Variants in GAR1 observed in about 807,000 individuals in gnomAD.
GAR1 encodes the protein GAR1 ribonucleoprotein.
Under a neutral mutation model 29.3 loss-of-function variants are expected in GAR1, and 11 were observed. That is an observed-to-expected ratio of 0.38 (90% CI 0.24 to 0.62). GAR1 has a LOEUF of 0.62. GAR1 is among the 20% of genes least tolerant of loss of function. GAR1 has a pLI of 0.62. For missense variants in GAR1, 237 were observed against 268.4 expected, an observed-to-expected ratio of 0.88 and a Z score of 0.82; for synonymous variants, 87 against 93.3, an observed-to-expected ratio of 0.93 and a Z score of 0.39.
rs150203795 is a variant in GAR1 at position 109,816,589 on chromosome 4, G to C, written c.214+211G>C. ...ACAGGAAGATATTAAATAGGTAATC[G>C]TGAGTACTTATGCCTAATTCCCCGA... On this transcript the variant is annotated intron_variant, in intron 2 of 6. Transcript: ENST00000226796. Among the ~76,000 whole-genome samples the C allele has an allele frequency of 1.8e-3, 270 of 152,300 alleles. 1 individual carries two copies. The Middle Eastern group carries it at 0.048, about 27-fold the overall frequency.
chr4:109,819,107 C>A (rs76764214), intron 4 of GAR1, 47 bp downstream of exon 4: 90 of 963,640 alleles, frequency 9.3e-5, no homozygotes, highest in Middle Eastern at 2.1e-4. Context: ...TATAAGGGAA[C>A]GACCTATCTT....
intron 5 of GAR1, among the ~76,000 whole-genome samples, chr4:109,823,014 A>G (rs1169726596): frequency 2.0e-5 from 3 of 152,240 alleles, no homozygotes; most frequent in African/African-American, 7.2e-5. Context: ...TAATAAATTC[A>G]TTACTGTGAT....
intron 5 of GAR1, 142 bp downstream of exon 5, chr4:109,822,630 C>T: frequency 2.6e-6 from 2 of 766,296 alleles, no homozygotes; most frequent in Admixed American, 3.1e-5. Flanking sequence ...GGCAGATTGT[C>T]CATAATAATA....
chr4:109,823,475 C>CT (rs1320068628), intron 5 of GAR1, among the ~76,000 whole-genome samples: 1 of 151,876 alleles, frequency 6.6e-6, no homozygotes, highest in Non-Finnish European at 1.5e-5. Context: ...TCACAGCTGT[C>CT]TTATTTTTTT....
At position 109,824,534 on chromosome 4, in the gene GAR1, C is replaced by G; in HGVS notation, c.*103C>G. The G allele has an allele frequency of 1.1e-6, 1 of 879,136 alleles. No homozygotes were observed. The highest frequency in any genetic ancestry group is 1.9e-6 in the Non-Finnish European group (1 of 523,874). 54.5% of individuals were successfully genotyped at this position (879,136 alleles called of 1,614,324 possible). On this transcript the variant is annotated 3_prime_UTR_variant, in exon 7 of 7. Transcript: ENST00000226796. ...TGTTTCTTGAACAAGTCTTGAAGAT[C>G]TTGGTCATTTTATGACAATGGATCT...
At chr4:109,816,792 G>C (rs1733365726) in intron 2 of GAR1, among the ~76,000 whole-genome samples, 1 of 152,172 alleles carries the variant, frequency 6.6e-6, no homozygotes, top group Non-Finnish European at 1.5e-5. Context: ...CCGGGAGTTA[G>C]AGACCAGCCT....
intron 1 of GAR1, 36 bp from the exon 2 acceptor site, chr4:109,816,117 G>T (rs777166868): frequency 1.5e-5 from 23 of 1,583,278 alleles, no homozygotes; most frequent in Non-Finnish European, 2.0e-5. Context: ...AGAGGCTACA[G>T]TGATCAGAAG....
intron 5 of GAR1, 143 bp downstream of exon 5, chr4:109,822,631 C>A: frequency 2.6e-6 from 2 of 758,068 alleles, no homozygotes; most frequent in Non-Finnish European, 3.9e-6. Flanking sequence ...GCAGATTGTC[C>A]ATAATAATAA....
chr4:109,819,806 C>T (rs1028427451), intron 4 of GAR1, among the ~76,000 whole-genome samples: 1 of 152,180 alleles, frequency 6.6e-6, no homozygotes, highest in African/African-American at 2.4e-5. Flanking sequence ...ACAGTATGTG[C>T]AGTCTCTGAG....
chr4:109,820,137 C>T (rs549036805), intron 4 of GAR1, among the ~76,000 whole-genome samples: 10 of 151,900 alleles, frequency 6.6e-5, no homozygotes, highest in Admixed American at 1.3e-4. Flanking sequence ...ATTTTGGACT[C>T]GGTAGTGACA....
intron 4 of GAR1, among the ~76,000 whole-genome samples, chr4:109,820,443 T>TA (rs762617821): frequency 3.3e-5 from 5 of 152,054 alleles, no homozygotes; most frequent in Admixed American, 1.3e-4. Flanking sequence ...GGGAATTTGT[T>TA]AAGTATACAG....
Position 109,817,948 on chromosome 4 carries a change from T to G in GAR1, c.227T>G (p.Phe76Cys). The G allele has an allele frequency of 6.2e-7, 1 of 1,608,614 alleles. No homozygotes were observed. The highest frequency in any genetic ancestry group is 1.1e-5 in the South Asian group (1 of 89,690). Residue 76 changes from phenylalanine (F) to cysteine (C), a missense_variant, in exon 3 of 7, where the codon TTC (phenylalanine) becomes TGC (cysteine). Coordinates refer to ENST00000226796, the MANE Select transcript of GAR1 (RefSeq NM_018983.4). The part of the protein sequence containing the change: ...PPERVVLLGE[F>C]LHPCEDDIVC... ...TGTCCTGTTTCAGTATTAGGAGAGT[T>G]CCTGCATCCCTGTGAAGATGACATA...
chr4:109,824,118 T>G (rs1733591058), intron 6 of GAR1, 85 bp downstream of exon 6: 2 of 933,586 alleles, frequency 2.1e-6, no homozygotes, highest in Non-Finnish European at 3.4e-6. Context: ...AAGTTTAATT[T>G]TCTCTGCCAG....
At position 109,819,056 on chromosome 4, in the gene GAR1, A is replaced by G. The variant is rs1039361184; in HGVS notation, c.425A>G (p.Gln142Arg). The G allele has an allele frequency of 6.1e-6, 9 of 1,477,378 alleles. No homozygotes were observed. Among genetic ancestry groups the G allele is most frequent in the Non-Finnish European group, 8.5e-6 (9 of 1,056,348 alleles). The allele number at this position is 1,477,378 out of a possible 1,614,324, so 91.5% of individuals were successfully genotyped here. A position where few individuals can be genotyped will look rare whatever the true frequency, so the allele number is the denominator to read the frequency against. Residue 142 changes from glutamine (Q) to arginine (R), a missense_variant, in exon 4 of 7, where the codon CAG becomes CGG. Coordinates refer to ENST00000226796, the MANE Select transcript of GAR1 (RefSeq NM_018983.4). ...AAGGCTTCATCCTTTAAAAAACTACAGAAGGTGAGTCAAACTTATGATACT... is the reference window on the plus strand; with the variant it reads ...AAGGCTTCATCCTTTAAAAAACTACGGAAGGTGAGTCAAACTTATGATACT... ...NMKASSFKKL[Q>R]KFYIDPYKLL...
intron 4 of GAR1, 40 bp downstream of exon 4, chr4:109,819,100 A>G: frequency 9.6e-7 from 1 of 1,039,132 alleles, no homozygotes; most frequent in Non-Finnish European, 1.5e-6. Context: ...TTGGTTTTAT[A>G]AGGGAACGAC....
Position 109,824,522 on chromosome 4 carries a change from A to G in GAR1, c.*91A>G, listed in dbSNP as rs905639833. 2.1e-6 allele frequency: 2 copies of G among 939,742 alleles called. No homozygotes were observed. Among genetic ancestry groups the G allele is most frequent in the East Asian group, 2.4e-5 (1 of 41,472 alleles). 58.2% of individuals were successfully genotyped at this position (939,742 alleles called of 1,614,324 possible). ...GGATTGGAAACTTGTTTCTTGAACA[A>G]GTCTTGAAGATCTTGGTCATTTTAT... On this transcript the variant is annotated 3_prime_UTR_variant, in exon 7 of 7. Coordinates refer to ENST00000226796, the MANE Select transcript of GAR1 (RefSeq NM_018983.4).
chr4:109,816,101 A>G, intron 1 of GAR1, 52 bp from the exon 2 acceptor site: 1 of 1,532,498 alleles, frequency 6.5e-7, no homozygotes, highest in South Asian at 1.1e-5. Flanking sequence ...GGGTTGGAGT[A>G]TACTCAGAGG....
chr4:109,824,040 A>G lies in GAR1; in HGVS notation c.640+7A>G. 1 of 1,577,750 alleles carries G rather than the reference A, an allele frequency of 6.3e-7. No homozygotes were observed. The highest frequency in any genetic ancestry group is 8.7e-7 in the Non-Finnish European group (1 of 1,150,556). On this transcript the variant is annotated splice_region_variant and intron_variant, in intron 6 of 6. Transcript: ENST00000226796. ...AGAGGTGGTGGTTTCAGAGGTGAGT[A>G]TTTTAAAAAGTCTTTAAATTGCTTA...
At chr4:109,822,801 T>C (rs1358536744) in intron 5 of GAR1, among the ~76,000 whole-genome samples, 3 of 152,192 alleles carry the variant, frequency 2.0e-5, no homozygotes, top group African/African-American at 7.2e-5. Flanking sequence ...GAGTGTAGAC[T>C]GCATGCTGAA....
Sources: gnomAD v4.1 joint callset for allele counts (sites outside exome capture counted in the v4.1 genomes callset) on GRCh38, gnomAD v4.1.1 for gene constraint, MANE v1.5 for transcripts, NCBI Gene and HGNC (gene_info 2026-07-23, HGNC 2026-07-21) for gene names.